CUBN: variants seen among roughly 807,000 people sequenced by gnomAD.
CUBN encodes 460 kDa receptor.
CUBN carries 282 observed loss-of-function variants against 405.3 expected under a neutral mutation model. The ratio of observed to expected loss-of-function variants is 0.70; its 90% CI spans 0.63 to 0.77. CUBN has a LOEUF of 0.77. Ranked by LOEUF, CUBN falls within the 30% of genes least tolerant of loss-of-function variation. The pLI, the probability that CUBN is intolerant of heterozygous loss-of-function variation, is 0.00. For synonymous variants in CUBN, 1,684 were observed against 1,617.0 expected, an observed-to-expected ratio of 1.04 and a Z score of -0.99; for missense variants, 4,514 against 4,475.2, an observed-to-expected ratio of 1.01 and a Z score of -0.25.
chr10:16,939,196 T>C, intron 37 of CUBN, 49 bp from the exon 38 acceptor site: 1 of 1,458,594 alleles, frequency 6.9e-7, no homozygotes, highest in Admixed American at 1.7e-5. Context: ...GAATTGCTCT[T>C]TAATCAAATG....
intron 56 of CUBN, among the ~76,000 whole-genome samples, chr10:16,882,009 G>A (rs911474822): frequency 3.3e-5 from 5 of 152,176 alleles, no homozygotes; most frequent in Non-Finnish European, 7.3e-5. Context: ...ATTATTGGAA[G>A]AGCCAATTGT....
In CUBN at chr10:17,081,634, CAAGAG is replaced by C. The variant is rs565365355; in HGVS notation, c.2301+2632_2301+2636del. Among the ~76,000 whole-genome samples, 17 of 152,226 alleles carry C rather than the reference CAAGAG, an allele frequency of 1.1e-4. 1 individual carries two copies. The South Asian group carries it at 2.1e-3, about 19-fold the overall frequency. The stretch of plus-strand genomic sequence containing the variant: ...TGTATGACCACTATCTGAAGAACAA[CAAGAG>C]AAGTGAATATACTTTTTAGAAAACG... On this transcript the variant is annotated intron_variant, in intron 17 of 66. Transcript: ENST00000377833.
At chr10:17,058,185 C>T (rs916252601) in intron 22 of CUBN, among the ~76,000 whole-genome samples, 2 of 151,904 alleles carry the variant, frequency 1.3e-5, no homozygotes, top group Admixed American at 6.6e-5. Context: ...CTGCCTTTTG[C>T]ACAGTTAAAA....
intron 36 of CUBN, among the ~76,000 whole-genome samples, chr10:16,940,875 C>T (rs908618563): frequency 2.0e-5 from 3 of 152,156 alleles, no homozygotes; most frequent in East Asian, 3.9e-4. Context: ...AAATGCGCTG[C>T]AAAGGTGTAT....
At chr10:17,000,342 T>G (rs1192782125) in intron 28 of CUBN, among the ~76,000 whole-genome samples, 1 of 152,188 alleles carries the variant, frequency 6.6e-6, no homozygotes, top group Non-Finnish European at 1.5e-5. Flanking sequence ...CAGCACTTTA[T>G]AAATGAGTAA....
chr10:16,921,947 G>T (rs1842046479), intron 43 of CUBN, among the ~76,000 whole-genome samples: 2 of 152,144 alleles, frequency 1.3e-5, no homozygotes, highest in Non-Finnish European at 2.9e-5. Flanking sequence ...ATTCTCATTT[G>T]CTCGTCATCC....
intron 28 of CUBN, among the ~76,000 whole-genome samples, chr10:17,012,452 C>G (rs1250673455): frequency 6.6e-6 from 1 of 152,234 alleles, no homozygotes; most frequent in Non-Finnish European, 1.5e-5. Flanking sequence ...GTCTAGGCCT[C>G]AGCAGTTTTG....
intron 60 of CUBN, among the ~76,000 whole-genome samples, chr10:16,843,167 G>A (rs1564381087): frequency 6.6e-6 from 1 of 152,212 alleles, no homozygotes; most frequent in Non-Finnish European, 1.5e-5. Flanking sequence ...CCAGCACCCA[G>A]AACAATTCCC....
intron 38 of CUBN, 91 bp downstream of exon 38, chr10:16,938,872 G>C: frequency 8.6e-7 from 1 of 1,162,228 alleles, no homozygotes; most frequent in East Asian, 2.3e-5. Flanking sequence ...CACATGATTT[G>C]CAAATGCTTG....
At chr10:17,006,505 G>C (rs922319477) in intron 28 of CUBN, among the ~76,000 whole-genome samples, 3 of 152,090 alleles carry the variant, frequency 2.0e-5, no homozygotes, top group African/African-American at 7.2e-5. Context: ...GTCACAAAAG[G>C]AATAAAATTT....
intron 27 of CUBN, among the ~76,000 whole-genome samples, chr10:17,033,053 C>T (rs1209264153): frequency 6.7e-6 from 1 of 150,238 alleles, no homozygotes; most frequent in Non-Finnish European, 1.5e-5. Context: ...GTTACTCTTA[C>T]CTCCCTCCAG....
chr10:16,950,850 A>G (rs895831670), intron 33 of CUBN, among the ~76,000 whole-genome samples: 1 of 152,186 alleles, frequency 6.6e-6, no homozygotes, highest in Non-Finnish European at 1.5e-5. Context: ...CATTTTTCTC[A>G]ATAGACTCAT....
chr10:16,916,176 T>G, intron 45 of CUBN, 146 bp from the exon 46 acceptor site: 1 of 712,930 alleles, frequency 1.4e-6, no homozygotes, highest in Non-Finnish European at 2.3e-6. Context: ...TTTTAAAAAT[T>G]CTGAAAACGG....
chr10:17,070,853 CT>C (rs1835724066), intron 19 of CUBN, among the ~76,000 whole-genome samples: 1 of 152,110 alleles, frequency 6.6e-6, no homozygotes, highest in African/African-American at 2.4e-5. Flanking sequence ...TGCATTTTAT[CT>C]CTTCTCCTTA....
chr10:17,087,472 C>CTTTTTCT (rs1554818134), intron 15 of CUBN, among the ~76,000 whole-genome samples: 1 of 71,712 alleles, frequency 1.4e-5, no homozygotes, highest in Non-Finnish European at 2.6e-5. Context: ...TTTTCTTTTT[C>CTTTTTCT]TTTTTTTTTT....
Position 16,874,517 on chromosome 10 carries a change from C to G in CUBN, c.9107-14G>C. The G allele has an allele frequency of 6.2e-7, 1 of 1,613,990 alleles. No individual in the cohort carries two copies. Reference sequence around the variant, plus strand: ...CACCACCACAGGCTGCAACAGAAGACAAGGGAATATGAAGAGAACAACGAT... The same window carrying G: ...CACCACCACAGGCTGCAACAGAAGAGAAGGGAATATGAAGAGAACAACGAT... On this transcript the variant is annotated splice_polypyrimidine_tract_variant and intron_variant, in intron 57 of 66. Transcript: ENST00000377833.
chr10:17,074,344 T>C (rs994157392), intron 17 of CUBN, among the ~76,000 whole-genome samples: 3 of 152,116 alleles, frequency 2.0e-5, no homozygotes, highest in African/African-American at 7.2e-5. Context: ...TTAATTATTA[T>C]CACAGCAATC....
intron 31 of CUBN, among the ~76,000 whole-genome samples, chr10:16,972,326 C>T (rs1832959135): frequency 6.6e-6 from 1 of 152,160 alleles, no homozygotes. Context: ...TAGCTCAGAT[C>T]CTATCCCAAG....
rs1025670791 is a variant in CUBN, at chr10:17,089,870, G to A, written c.1766-1525C>T. Reference sequence around the variant, plus strand: ...CTGGGTGTGATGTCTCATGCTTGTAGTCCCAGCACTTTGGGAGGCTGAGGC... The same window carrying A: ...CTGGGTGTGATGTCTCATGCTTGTAATCCCAGCACTTTGGGAGGCTGAGGC... On this transcript the variant is annotated intron_variant, in intron 14 of 66. Transcript: ENST00000377833. Among the ~76,000 whole-genome samples the A allele has an allele frequency of 3.9e-5, 6 of 152,100 alleles. No individual in the cohort carries two copies. In the South Asian group the frequency reaches 6.2e-4, roughly 16 times the overall value.
Sources: gnomAD v4.1 joint callset for allele counts (sites outside exome capture counted in the v4.1 genomes callset) on GRCh38, gnomAD v4.1.1 for gene constraint, MANE v1.5 for transcripts, NCBI Gene and HGNC (gene_info 2026-07-23, HGNC 2026-07-21) for gene names.